Variants in KIRREL3 observed in about 807,000 individuals in gnomAD.
KIRREL3 encodes kirre like nephrin family adhesion molecule 3.
KIRREL3 carries 36 observed loss-of-function variants against 89.7 expected under a neutral mutation model. That is an observed-to-expected ratio of 0.40 (90% CI 0.31 to 0.53). The LOEUF is 0.53. Ranked by LOEUF, KIRREL3 falls within the 20% of genes least tolerant of loss-of-function variation. The probability of loss-of-function intolerance (pLI) is 0.49; values close to 1 mark genes in which losing one functional copy is unlikely to be tolerated. For synonymous variants in KIRREL3, 445 were observed against 441.4 expected (o/e 1.01, Z -0.10); for missense variants, 864 against 1,056.6 (o/e 0.82, Z 2.53).
chr11:126,700,614 C>T (rs1160240039), intron 1 of KIRREL3, among the ~76,000 whole-genome samples: 1 of 152,226 alleles, frequency 6.6e-6, no homozygotes, highest in Non-Finnish European at 1.5e-5. Context: ...CCTCTGCCTC[C>T]TAGCCTTTCT....
At position 126,462,983 on chromosome 11, in the gene KIRREL3, C is replaced by T. The variant is rs11220503; in HGVS notation, c.742+174G>A. On this transcript the variant is annotated intron_variant, in intron 6 of 16. Transcript: ENST00000525144. This position sits in a 1 kb window ranked among gnomAD's most constrained non-coding sequence, Gnocchi z 4.8. ...GACCCTCATCTGTGAGGTTGCATCTCATGACAGTAAGGAAGACAAGATGGT... is the reference window on the plus strand; with the variant it reads ...GACCCTCATCTGTGAGGTTGCATCTTATGACAGTAAGGAAGACAAGATGGT... Among the ~76,000 whole-genome samples, 23,917 of 152,226 alleles carry T rather than the reference C, an allele frequency of 0.16. 2,527 individuals carry two copies. The highest frequency in any genetic ancestry group is 0.39 in the East Asian group (1,993 of 5,164).
rs567330429 is a variant in KIRREL3 at position 126,630,582 on chromosome 11, G to A, written c.56-67670C>T. On this transcript the variant is annotated intron_variant, in intron 1 of 16. Coordinates refer to ENST00000525144, the MANE Select transcript of KIRREL3 (RefSeq NM_032531.4). ...ACACTCTCTGTCAGTCAAGCTCTCA[G>A]GCTTTTCCTTATCCAGCAATGACTT... Among the ~76,000 whole-genome samples the A allele has an allele frequency of 7.1e-4, 108 of 152,250 alleles. No homozygotes were observed. In the Middle Eastern group the frequency reaches 0.01, roughly 14 times the overall value.
rs777391904 is a variant in KIRREL3 at position 126,767,815 on chromosome 11, G to A, written c.56-204903C>T. The stretch of plus-strand genomic sequence containing the variant: ...GACATTGAAACACTGCATAGAATTC[G>A]CTGCAAGAATTTGTTAATGCTATGT... On this transcript the variant is annotated intron_variant, in intron 1 of 16. Coordinates refer to ENST00000525144, the MANE Select transcript of KIRREL3 (RefSeq NM_032531.4). 7.9e-5 allele frequency among the ~76,000 whole-genome samples: 12 copies of A among 152,136 alleles called. No homozygotes were observed. The East Asian group carries it at 1.2e-3, about 15-fold the overall frequency.
chr11:126,589,981 A>C (rs986259633), intron 1 of KIRREL3, among the ~76,000 whole-genome samples: 2 of 152,222 alleles, frequency 1.3e-5, no homozygotes, highest in Non-Finnish European at 2.9e-5. Context: ...AATACCAGCC[A>C]GGGCCACTGC....
At chr11:126,572,442 C>T (rs572865494) in intron 1 of KIRREL3, among the ~76,000 whole-genome samples, 278 of 152,328 alleles carry the variant, frequency 1.8e-3, no homozygotes, top group Non-Finnish European at 2.9e-3. Context: ...GGGAAATGGA[C>T]GACCCAGGAT....
At chr11:126,809,423 C>G (rs1032299806) in intron 1 of KIRREL3, among the ~76,000 whole-genome samples, 7 of 152,078 alleles carry the variant, frequency 4.6e-5, no homozygotes, top group Admixed American at 3.9e-4. Flanking sequence ...ACCGTGCCCC[C>G]CAAGGATATT....
chr11:126,932,282 T>C (rs1342024783), intron 1 of KIRREL3, among the ~76,000 whole-genome samples: 1 of 152,170 alleles, frequency 6.6e-6, no homozygotes, highest in Non-Finnish European at 1.5e-5. Context: ...TGATTTCAAA[T>C]AGTACATTTT....
intron 6 of KIRREL3, 101 bp from the exon 7 acceptor site, chr11:126,456,555 AC>A: frequency 1.3e-6 from 1 of 784,944 alleles, no homozygotes; most frequent in Non-Finnish European, 2.1e-6. Flanking sequence ...CCACCCAGGG[AC>A]CCTCAGAGCA....
intron 2 of KIRREL3, among the ~76,000 whole-genome samples, chr11:126,552,299 C>T (rs939335705): frequency 3.9e-5 from 6 of 152,174 alleles, no homozygotes; most frequent in African/African-American, 1.4e-4. Context: ...CATTCATACC[C>T]GGGAAGGTTA....
intron 1 of KIRREL3, among the ~76,000 whole-genome samples, chr11:126,971,932 G>A (rs989835925): frequency 1.3e-5 from 2 of 152,122 alleles, no homozygotes; most frequent in Admixed American, 6.6e-5. Flanking sequence ...ATTCAGTCCA[G>A]GATAGACAGA....
Position 126,614,413 on chromosome 11 carries a change from G to A in KIRREL3, c.56-51501C>T, listed in dbSNP as rs1038707132. On this transcript the variant is annotated intron_variant, in intron 1 of 16. Coordinates refer to ENST00000525144, the MANE Select transcript of KIRREL3 (RefSeq NM_032531.4). The surrounding 1 kb of genome is among the most constrained non-coding windows in gnomAD (Gnocchi z 4.6). ...TTTCTCAAGTGCAAAAGGAAAGGTTGAACTAAGATGGATGGGTTTTAATCT... is the reference window on the plus strand; with the variant it reads ...TTTCTCAAGTGCAAAAGGAAAGGTTAAACTAAGATGGATGGGTTTTAATCT... Among the ~76,000 whole-genome samples, 2 of 152,278 alleles carry A rather than the reference G, an allele frequency of 1.3e-5. No individual in the cohort carries two copies. The highest frequency in any genetic ancestry group is 4.8e-5 in the African/African-American group (2 of 41,550).
intron 1 of KIRREL3, among the ~76,000 whole-genome samples, chr11:126,593,544 C>T (rs1037218615): frequency 6.6e-6 from 1 of 152,204 alleles, no homozygotes; most frequent in Non-Finnish European, 1.5e-5. Context: ...CCCGGCTGGA[C>T]CTGTGGCCTG....
intron 1 of KIRREL3, among the ~76,000 whole-genome samples, chr11:126,680,463 C>G (rs897544708): frequency 6.6e-6 from 1 of 151,952 alleles, no homozygotes; most frequent in Non-Finnish European, 1.5e-5. Flanking sequence ...TGCTGATTCT[C>G]TCTCCCCTCC....
chr11:126,441,448 A>G lies in KIRREL3; in HGVS notation c.1253-899T>C, dbSNP rs565261851. On this transcript the variant is annotated intron_variant, in intron 10 of 16. Transcript: ENST00000525144. This position sits in a 1 kb window ranked among gnomAD's most constrained non-coding sequence, Gnocchi z 5.0. ...ACGCCTGCCTGGCCGTGAAAGACAA[A>G]AGAAGGAGCAGCTAGCTTAGCCTGG... is the stretch of plus-strand genomic sequence containing the variant. Among the ~76,000 whole-genome samples the G allele has an allele frequency of 5.9e-5, 9 of 152,308 alleles. No individual in the cohort carries two copies. The highest frequency in any genetic ancestry group is 2.0e-4 in the Admixed American group (3 of 15,306).
At chr11:126,947,220 T>C (rs1312076148) in intron 1 of KIRREL3, among the ~76,000 whole-genome samples, 1 of 152,170 alleles carries the variant, frequency 6.6e-6, no homozygotes, top group Non-Finnish European at 1.5e-5. Context: ...CAGGCTTCAC[T>C]AGTTCTCATT....
rs112966536 is a variant in KIRREL3 at position 126,588,652 on chromosome 11, A to G, written c.56-25740T>C. On this transcript the variant is annotated intron_variant, in intron 1 of 16. Coordinates refer to ENST00000525144, the MANE Select transcript of KIRREL3 (RefSeq NM_032531.4). ...CCCATAGCATTGAACATGCTGTAACATTCTATATAATTTACCAATTTATTA... is the reference window on the plus strand; with the variant it reads ...CCCATAGCATTGAACATGCTGTAACGTTCTATATAATTTACCAATTTATTA... Among the ~76,000 whole-genome samples the G allele has an allele frequency of 1.2e-3, 180 of 152,314 alleles. 1 individual carries two copies. Among genetic ancestry groups the G allele is most frequent in the African/African-American group, 4.2e-3 (176 of 41,560 alleles).
chr11:126,973,100 GAAAAAAAAAA>G (rs11449960), intron 1 of KIRREL3, among the ~76,000 whole-genome samples: 10,920 of 119,662 alleles, frequency 0.091, 577 homozygotes, highest in Middle Eastern at 0.23. Context: ...AAGTTTTGAG[GAAAAAAAAAA>G]AAAAAAAAAA....
At position 126,843,392 on chromosome 11, in the gene KIRREL3, G is replaced by A. The variant is rs1238791985; in HGVS notation, c.55+157063C>T. 6.6e-6 allele frequency among the ~76,000 whole-genome samples: 1 copy of A among 152,136 alleles called. No homozygotes were observed. The highest frequency in any genetic ancestry group is 2.4e-5 in the African/African-American group (1 of 41,430). ...ATGCTTCCAGTGAGTGAGATTTCAT[G>A]GGAGGTTGGAGTGGGTGAGCTCACT... On this transcript the variant is annotated intron_variant, in intron 1 of 16. Coordinates refer to ENST00000525144, the MANE Select transcript of KIRREL3 (RefSeq NM_032531.4). The surrounding 1 kb of genome is among the most constrained non-coding windows in gnomAD (Gnocchi z 4.6).
At chr11:126,863,849 C>T (rs1944832593) in intron 1 of KIRREL3, among the ~76,000 whole-genome samples, 1 of 152,176 alleles carries the variant, frequency 6.6e-6, no homozygotes, top group Admixed American at 6.5e-5. Flanking sequence ...CTGCCTCCCT[C>T]CCGTGCCAAA....
Sources: allele counts gnomAD v4.1 joint callset (sites outside exome capture counted in the v4.1 genomes callset), GRCh38; gene constraint gnomAD v4.1.1; non-coding constraint Gnocchi (gnomAD v3.1); transcripts MANE v1.5; gene names NCBI Gene and HGNC (gene_info 2026-07-23, HGNC 2026-07-21).